The following SEM1 variants were observed in gnomAD, a reference collection of about 807,000 sequenced individuals.
The protein encoded by SEM1 is SEM1 26S proteasome subunit.
In SEM1, 3 loss-of-function variants were observed where a neutral mutation model predicts 12.7. That is an observed-to-expected ratio of 0.24 (90% CI 0.11 to 0.61). The LOEUF is 0.61. SEM1 is among the 20% of genes least tolerant of loss of function. The probability of loss-of-function intolerance (pLI) is 0.88; values close to 1 mark genes in which losing one functional copy is unlikely to be tolerated. For synonymous variants in SEM1, 30 were observed against 27.8 expected (o/e 1.08, Z -0.25); for missense variants, 59 against 81.3 (o/e 0.73, Z 1.06).
intron 2 of SEM1, among the ~76,000 whole-genome samples, chr7:96,570,302 C>T (rs775130974): frequency 2.6e-4 from 39 of 151,838 alleles, no homozygotes; most frequent in Non-Finnish European, 5.0e-4. Context: ...CCCATCAACC[C>T]GTCCTCTAAA....
intron 2 of SEM1, among the ~76,000 whole-genome samples, chr7:96,552,404 T>C (rs535766826): frequency 6.6e-6 from 1 of 151,902 alleles, no homozygotes; most frequent in East Asian, 1.9e-4. Flanking sequence ...TGTGATCTCA[T>C]TGTTCAATTC....
chr7:96,695,503 T>C (rs1203848661), intron 1 of SEM1: 1 of 151,958 alleles, frequency 6.6e-6, no homozygotes, highest in Non-Finnish European at 1.5e-5. Flanking sequence ...TTTAGAATGG[T>C]GAGAAAGTAC....
intron 2 of SEM1, among the ~76,000 whole-genome samples, chr7:96,632,049 A>T (rs1808277973): frequency 6.6e-6 from 1 of 152,202 alleles, no homozygotes; most frequent in South Asian, 2.1e-4. Context: ...AAAAGTCAGG[A>T]AACAACAGAT....
At chr7:96,487,467 AC>A (rs1802821227) in intron 1 of SEM1, among the ~76,000 whole-genome samples, 1 of 149,468 alleles carries the variant, frequency 6.7e-6, no homozygotes, top group Admixed American at 6.6e-5. Flanking sequence ...GTATTTTGGG[AC>A]CCCCTTTAAT....
intron 2 of SEM1, among the ~76,000 whole-genome samples, chr7:96,514,333 C>G (rs1012749886): frequency 4.6e-5 from 7 of 152,082 alleles, no homozygotes; most frequent in Admixed American, 4.6e-4. Flanking sequence ...CCATCTCAGG[C>G]TCCCGATTAG....
intron 2 of SEM1, among the ~76,000 whole-genome samples, chr7:96,680,422 C>CA (rs560557971): frequency 1.5e-3 from 222 of 152,098 alleles, no homozygotes; most frequent in South Asian, 4.6e-3. Flanking sequence ...CAACCAACAA[C>CA]AAAAAGAGTA....
chr7:96,544,043 G>A (rs1024227612), intron 2 of SEM1, among the ~76,000 whole-genome samples: 1 of 151,972 alleles, frequency 6.6e-6, no homozygotes, highest in African/African-American at 2.4e-5. Context: ...AATTCTGGAA[G>A]GGGCCAATGG....
chr7:96,540,730 C>T (rs6943472), intron 2 of SEM1, among the ~76,000 whole-genome samples: 34,269 of 151,506 alleles, frequency 0.23, 4,324 homozygotes, highest in African/African-American at 0.35. Context: ...AGGTAGTGAA[C>T]ATAGTAGGTT....
At chr7:96,569,303 G>GATCTTT (rs1805945578) in intron 2 of SEM1, among the ~76,000 whole-genome samples, 1 of 151,726 alleles carries the variant, frequency 6.6e-6, no homozygotes, top group Admixed American at 6.6e-5. Flanking sequence ...AAGAAAAACC[G>GATCTTT]TGAAGGAGAA....
At chr7:96,565,061 C>T (rs1805805374) in intron 2 of SEM1, among the ~76,000 whole-genome samples, 1 of 151,946 alleles carries the variant, frequency 6.6e-6, no homozygotes, top group Non-Finnish European at 1.5e-5. Flanking sequence ...ACCTAGTCCT[C>T]CATTCCTCTC....
rs759835064 is a variant in SEM1, at chr7:96,709,744, G to A, written c.20C>T (p.Pro7Leu). The A allele has an allele frequency of 2.5e-6, 4 of 1,613,842 alleles. No individual in the cohort carries two copies. The highest frequency in any genetic ancestry group is 3.4e-6 in the Non-Finnish European group (4 of 1,179,894). Reference sequence around the variant, plus strand: ...TTCCTCTAACAGACCTAAGTCTACCGGCTGCTTTTTCTCTGACATCTCGAC... The same window carrying A: ...TTCCTCTAACAGACCTAAGTCTACCAGCTGCTTTTTCTCTGACATCTCGAC... Reference protein sequence around the residue: MSEKKQPVDLGLLEEDD... With the variant: MSEKKQLVDLGLLEEDD... Residue 7 changes from proline to leucine, a missense_variant, in exon 1 of 3, where the codon CCG (proline) becomes CTG (leucine). By Grantham distance (98) the Pro-to-Leu change is moderately conservative. Transcript: ENST00000248566.
intron 2 of SEM1, among the ~76,000 whole-genome samples, chr7:96,511,233 G>C (rs1803924724): frequency 6.6e-6 from 1 of 152,130 alleles, no homozygotes; most frequent in Non-Finnish European, 1.5e-5. Flanking sequence ...CCTGACCACA[G>C]ATTCATTCAT....
intron 2 of SEM1, among the ~76,000 whole-genome samples, chr7:96,523,542 A>G (rs898608862): frequency 2.6e-5 from 4 of 152,128 alleles, no homozygotes; most frequent in African/African-American, 4.8e-5. Flanking sequence ...GGTTCCCCAC[A>G]TCACTCTGAT....
chr7:96,548,586 C>T (rs560926595), intron 2 of SEM1, among the ~76,000 whole-genome samples: 2 of 152,160 alleles, frequency 1.3e-5, no homozygotes, highest in South Asian at 4.1e-4. Flanking sequence ...CTGACTGCTA[C>T]TTATTAGTGA....
chr7:96,568,423 A>T (rs1805917434), intron 2 of SEM1, among the ~76,000 whole-genome samples: 1 of 151,854 alleles, frequency 6.6e-6, no homozygotes, highest in Admixed American at 6.6e-5. Context: ...CGCAATTTTT[A>T]AAATTCATTC....
At chr7:96,540,894 G>T (rs1322284523) in intron 2 of SEM1, among the ~76,000 whole-genome samples, 2 of 151,792 alleles carry the variant, frequency 1.3e-5, no homozygotes, top group African/African-American at 4.8e-5. Context: ...GGTGCATCCT[G>T]GTTGCTGCAA....
At chr7:96,500,579 A>G (rs1165556077), upstream of SEM1, among the ~76,000 whole-genome samples, 2 of 152,164 alleles carry the variant, frequency 1.3e-5, no homozygotes, top group African/African-American at 2.4e-5. Flanking sequence ...TATTTTGTGC[A>G]TATTCCAGGG....
At chr7:96,612,544 C>T (rs1437376620) in intron 2 of SEM1, among the ~76,000 whole-genome samples, 2 of 152,168 alleles carry the variant, frequency 1.3e-5, no homozygotes, top group African/African-American at 4.8e-5. Context: ...AAATTGCAAA[C>T]CTTAGACCCA....
chr7:96,603,885 GTT>G lies in SEM1; in HGVS notation c.170+90911_170+90912del, dbSNP rs5885973. On this transcript the variant is annotated intron_variant and NMD_transcript_variant, in intron 2 of 3. Transcript: ENST00000466986. The stretch of plus-strand genomic sequence containing the variant: ...AATGAACATTGAAAGTTACAGGATA[GTT>G]TTTTTTTTTTTAATATGGAGACGCT... 3.6e-3 allele frequency among the ~76,000 whole-genome samples: 536 copies of G among 147,970 alleles called. 3 individuals are homozygous for G. The highest frequency in any genetic ancestry group is 0.012 in the African/African-American group (474 of 40,668).
Sources: gnomAD v4.1 joint callset for allele counts (sites outside exome capture counted in the v4.1 genomes callset) on GRCh38, gnomAD v4.1.1 for gene constraint, MANE v1.5 for transcripts, NCBI Gene and HGNC (gene_info 2026-07-23, HGNC 2026-07-21) for gene names.